Variants in TIMD4 observed in about 807,000 individuals in gnomAD.
TIMD4 encodes T-cell immunoglobulin and mucin domain-containing protein 4.
TIMD4 carries 31 observed loss-of-function variants against 41.2 expected under a neutral mutation model. The ratio of observed to expected loss-of-function variants is 0.75; its 90% confidence interval spans 0.57 to 1.01. The LOEUF is 1.01. Ranked by LOEUF, TIMD4 falls within the 50% of genes least tolerant of loss-of-function variation. The probability of loss-of-function intolerance (pLI) is 0.00; values close to 1 mark genes in which losing one functional copy is unlikely to be tolerated. For missense variants in TIMD4, 479 were observed against 472.5 expected, an observed-to-expected ratio of 1.01 and a Z score of -0.13; for synonymous variants, 204 against 177.1, an observed-to-expected ratio of 1.15 and a Z score of -1.21.
chr5:156,922,039 A>C, intron 7 of TIMD4, 60 bp downstream of exon 7: 1 of 1,353,768 alleles, frequency 7.4e-7, no homozygotes, highest in Middle Eastern at 2.1e-4. Context: ...AGACAACTCC[A>C]GATCCTCCTG....
At chr5:156,940,740 G>C (rs1339346024) in intron 5 of TIMD4, among the ~76,000 whole-genome samples, 1 of 152,062 alleles carries the variant, frequency 6.6e-6, no homozygotes, top group African/African-American at 2.4e-5. Flanking sequence ...TGGGAAGTGA[G>C]GAGAGTCTCC....
Position 156,954,522 on chromosome 5 carries a change from G to A in TIMD4, c.293C>T (p.Thr98Ile), listed in dbSNP as rs769812788. ...GTCACTTTCACTGGGGTTTAAGATG[G>A]TCAAGGAGACATCACCTCTCGGGAT... ...GTIPRGDVSL[T>I]ILNPSESDSG... The change falls in exon 2 of 9, where the codon ACC (threonine) becomes ATC (isoleucine). Residue 98 changes from threonine (T) to isoleucine (I), a missense_variant. Physicochemically the swap from Thr to Ile is moderately conservative, Grantham distance 89 (BLOSUM62 -1). Coordinates refer to ENST00000274532, the MANE Select transcript of TIMD4 (RefSeq NM_138379.3). 8 of 1,614,108 alleles carry A rather than the reference G, an allele frequency of 5.0e-6. No individual in the cohort carries two copies. Among genetic ancestry groups the A allele is most frequent in the Non-Finnish European group, 5.9e-6 (7 of 1,180,058 alleles).
intron 5 of TIMD4, among the ~76,000 whole-genome samples, chr5:156,940,722 G>A (rs560000394): frequency 3.3e-5 from 5 of 152,016 alleles, no homozygotes; most frequent in Non-Finnish European, 5.9e-5. Flanking sequence ...CCCGGCAGCC[G>A]CCCCGTCTGG....
chr5:156,961,598 T>C (rs1473217135), intron 1 of TIMD4, among the ~76,000 whole-genome samples: 1 of 148,850 alleles, frequency 6.7e-6, no homozygotes, highest in African/African-American at 2.5e-5. Flanking sequence ...AGGTCAGGAG[T>C]TCAAGACCAG....
At chr5:156,951,030 A>C (rs1045608660) in intron 3 of TIMD4, among the ~76,000 whole-genome samples, 1 of 151,540 alleles carries the variant, frequency 6.6e-6, no homozygotes, top group African/African-American at 2.4e-5. Flanking sequence ...ACACACACAC[A>C]CCCATGCCTA....
chr5:156,963,165 T>C lies in TIMD4; in HGVS notation c.34A>G (p.Ile12Val), dbSNP rs759969776. The C allele has an allele frequency of 4.3e-6, 7 of 1,614,120 alleles. No homozygotes were observed. Among genetic ancestry groups the C allele is most frequent in the Non-Finnish European group, 2.5e-6 (3 of 1,179,984 alleles). The change falls in exon 1 of 9, where the codon ATT becomes GTT. Residue 12 changes from isoleucine to valine, a missense_variant. Transcript: ENST00000274532. ...CTCAGGTAAAGCCACCAAAACTCAA[T>C]CATCAGCCAGAGAATGAGAGGTTCT... ...SKEPLILWLM[I>V]EFWWLYLTPV...
At position 156,920,354 on chromosome 5, in the gene TIMD4, CTA is replaced by C. The variant is rs1179769875; in HGVS notation, c.1052+108_1052+109del. On this transcript the variant is annotated intron_variant, in intron 8 of 8. Coordinates refer to ENST00000274532, the MANE Select transcript of TIMD4 (RefSeq NM_138379.3). ...CTTCTAATGTCACATCTTTCCAACTCTATGTGTAATCGTAACACAAGCTCAAG... is the reference window on the plus strand; with the variant it reads ...CTTCTAATGTCACATCTTTCCAACTCTGTGTAATCGTAACACAAGCTCAAG... 3 of 1,208,210 alleles carry C rather than the reference CTA, an allele frequency of 2.5e-6. No homozygotes were observed. In the African/African-American group the frequency reaches 4.5e-5, roughly 18 times the overall value. The allele number at this position is 1,208,210 out of a possible 1,614,324, so 74.8% of individuals were successfully genotyped here.
chr5:156,920,438 A>G, intron 8 of TIMD4, 26 bp downstream of exon 8: 1 of 1,613,112 alleles, frequency 6.2e-7, no homozygotes, highest in Non-Finnish European at 8.5e-7. Flanking sequence ...AATCATTACA[A>G]CACCCATTCA....
chr5:156,948,116 G>A (rs1223902241), intron 5 of TIMD4, among the ~76,000 whole-genome samples: 3 of 152,094 alleles, frequency 2.0e-5, no homozygotes, highest in South Asian at 2.1e-4. Flanking sequence ...GATGTGGTAC[G>A]TGGCCACGAA....
In TIMD4 at chr5:156,963,099, G is replaced by A. The variant is rs758307367; in HGVS notation, c.58+42C>T. ...ATGGAAATCCATCACACAATAGCAA[G>A]TCCTCTGGAAACTTCTACATAGAAG... On this transcript the variant is annotated intron_variant, in intron 1 of 8. Transcript: ENST00000274532. 18 of 1,600,832 alleles carry A rather than the reference G, an allele frequency of 1.1e-5. No individual in the cohort carries two copies. In the Admixed American group the frequency reaches 2.0e-4, roughly 18 times the overall value.
At position 156,951,545 on chromosome 5, in the gene TIMD4, C is replaced by T. The variant is rs112438191; in HGVS notation, c.646G>A (p.Glu216Lys). 130 of 1,614,080 alleles carry T rather than the reference C, an allele frequency of 8.1e-5. No individual in the cohort carries two copies. In the East Asian group the frequency reaches 1.0e-3, roughly 13 times the overall value. The change falls in exon 3 of 9, where the codon GAG (glutamate) becomes AAG (lysine). Residue 216 changes from glutamate to lysine, a missense_variant. Physicochemically the swap from Glu to Lys is moderately conservative, Grantham distance 56. Coordinates refer to ENST00000274532, the MANE Select transcript of TIMD4 (RefSeq NM_138379.3). ...AGGATGGGCCCTTCCTTAGAAGGCT[C>T]GGGAGTCAGAAGACCTGTGGCTTCC... The part of the protein sequence containing the change: ...PEEATGLLTP[E>K]PSKEGPILTA...
chr5:156,957,304 A>C (rs1759988570), intron 1 of TIMD4, among the ~76,000 whole-genome samples: 1 of 152,090 alleles, frequency 6.6e-6, no homozygotes, highest in African/African-American at 2.4e-5. Context: ...ACCTGAGGTC[A>C]GGAGTTCAAG....
chr5:156,951,884 C>T (rs575096559), intron 2 of TIMD4, 94 bp from the exon 3 acceptor site: 1 of 1,537,912 alleles, frequency 6.5e-7, no homozygotes, highest in Admixed American at 1.8e-5. Context: ...TTTCTGTTGT[C>T]CTCACCTGGT....
chr5:156,955,453 G>A (rs895175161), intron 1 of TIMD4, among the ~76,000 whole-genome samples: 7 of 152,084 alleles, frequency 4.6e-5, no homozygotes, highest in Admixed American at 1.3e-4. Flanking sequence ...TCAGGAGATC[G>A]AGACCATCCT....
chr5:156,930,625 G>A (rs968661659), intron 5 of TIMD4, among the ~76,000 whole-genome samples: 4 of 152,172 alleles, frequency 2.6e-5, no homozygotes, highest in African/African-American at 9.7e-5. Flanking sequence ...TGGGGAAAAT[G>A]ACAACTTCTA....
rs374414333 is a variant in TIMD4 at position 156,960,956 on chromosome 5, T to C, written c.58+2185A>G. On this transcript the variant is annotated intron_variant, in intron 1 of 8. Coordinates refer to ENST00000274532, the MANE Select transcript of TIMD4 (RefSeq NM_138379.3). ...ACAAGGTAGCCAGGAAAAGCCTGAA[T>C]TAAGTAGGGACCTGAGGATGCATGG... Among the ~76,000 whole-genome samples, 11 of 152,174 alleles carry C rather than the reference T, an allele frequency of 7.2e-5. No individual in the cohort carries two copies. The East Asian group carries it at 1.2e-3, about 16-fold the overall frequency.
intron 5 of TIMD4, among the ~76,000 whole-genome samples, chr5:156,942,609 T>C (rs1351115117): frequency 6.6e-6 from 1 of 152,192 alleles, no homozygotes; most frequent in Admixed American, 6.5e-5. Context: ...AGAGTGGAGA[T>C]TAGAATTTGC....
chr5:156,935,145 A>T (rs1268860241), intron 5 of TIMD4, among the ~76,000 whole-genome samples: 3 of 152,162 alleles, frequency 2.0e-5, no homozygotes, highest in African/African-American at 7.2e-5. Flanking sequence ...TGAATGTTTA[A>T]GAGTTGGGAG....
intron 5 of TIMD4, among the ~76,000 whole-genome samples, chr5:156,939,300 G>A (rs1415777528): frequency 6.6e-6 from 1 of 152,124 alleles, no homozygotes; most frequent in Admixed American, 6.5e-5. Context: ...TCAGACAATT[G>A]CTCACAATGA....
Sources: allele counts gnomAD v4.1 joint callset (sites outside exome capture counted in the v4.1 genomes callset), GRCh38; gene constraint gnomAD v4.1.1; transcripts MANE v1.5; gene names NCBI Gene and HGNC (gene_info 2026-07-23, HGNC 2026-07-21).